The following FLI1 variants were observed in gnomAD, a reference collection of about 807,000 sequenced individuals.
The protein encoded by FLI1 is Fli-1 proto-oncogene, ETS transcription factor, also known as Friend leukemia integration 1 transcription factor.
Under a neutral mutation model 53.1 loss-of-function variants are expected in FLI1, and 13 were observed. That is an observed-to-expected ratio of 0.24 (90% confidence interval 0.16 to 0.39). The LOEUF (loss-of-function observed/expected upper bound fraction) is 0.39, where lower values mean the gene tolerates loss of function less well. Among genes scored for constraint, FLI1 ranks in the 10% least tolerant of loss-of-function variants. The probability of loss-of-function intolerance (pLI) is 1.00; values close to 1 mark genes in which losing one functional copy is unlikely to be tolerated. For synonymous variants in FLI1, 244 were observed against 236.7 expected (o/e 1.03, Z -0.28); for missense variants, 424 against 600.5 (o/e 0.71, Z 3.07).
At chr11:128,743,154 A>C (rs897131459) in intron 1 of FLI1, among the ~76,000 whole-genome samples, 11 of 152,112 alleles carry the variant, frequency 7.2e-5, no homozygotes, top group Admixed American at 3.9e-4. Flanking sequence ...TTGGGAGGCC[A>C]AGGCAAGAGG....
At chr11:128,710,159 T>A (rs1187646386) in intron 1 of FLI1, among the ~76,000 whole-genome samples, 1 of 152,136 alleles carries the variant, frequency 6.6e-6, no homozygotes, top group Non-Finnish European at 1.5e-5. Context: ...CACGGTACAC[T>A]GCACAACCAA....
intron 1 of FLI1, among the ~76,000 whole-genome samples, chr11:128,708,157 G>T (rs958698103): frequency 5.9e-5 from 9 of 152,168 alleles, no homozygotes; most frequent in Admixed American, 6.5e-5. Flanking sequence ...TGCCGTGCAT[G>T]GGGGAGGAAG....
intron 3 of FLI1, among the ~76,000 whole-genome samples, chr11:128,770,994 G>A (rs1452727705): frequency 3.3e-5 from 5 of 152,188 alleles, no homozygotes; most frequent in African/African-American, 1.2e-4. Flanking sequence ...GGGCTTTGGG[G>A]GAACCCACCT....
At chr11:128,760,907 G>A (rs977199858) in intron 2 of FLI1, among the ~76,000 whole-genome samples, 1 of 152,146 alleles carries the variant, frequency 6.6e-6, no homozygotes, top group African/African-American at 2.4e-5. Context: ...CAAGCCAGCA[G>A]CACCTCTCCT....
At position 128,801,367 on chromosome 11, in the gene FLI1, G is replaced by A. The variant is rs994388541; in HGVS notation, c.656-3999G>A. 2.0e-5 allele frequency among the ~76,000 whole-genome samples: 3 copies of A among 152,216 alleles called. No homozygotes were observed. In the East Asian group the frequency reaches 5.8e-4, roughly 29 times the overall value. On this transcript the variant is annotated intron_variant, in intron 5 of 8. Coordinates refer to ENST00000527786, the MANE Select transcript of FLI1 (RefSeq NM_002017.5). ...GTTATAGACATATCTCTGTGTGTAT[G>A]TTGGGGACTAGAGATGACCACACTG...
chr11:128,756,247 A>G (rs1208447894), intron 1 of FLI1, among the ~76,000 whole-genome samples: 3 of 152,212 alleles, frequency 2.0e-5, no homozygotes, highest in African/African-American at 7.2e-5. Flanking sequence ...GAAGTCCAAG[A>G]TCAGGGTGCC....
upstream of FLI1, among the ~76,000 whole-genome samples, chr11:128,685,325 C>T (rs987337237): frequency 1.3e-5 from 2 of 152,214 alleles, no homozygotes; most frequent in Admixed American, 1.3e-4. Flanking sequence ...CATCCTGGAG[C>T]TGCCCGGAGT....
intron 4 of FLI1, among the ~76,000 whole-genome samples, chr11:128,776,141 G>A (rs1941720213): frequency 6.6e-6 from 1 of 152,218 alleles, no homozygotes; most frequent in African/African-American, 2.4e-5. Context: ...GTATTTTCCA[G>A]GGTAGAGAAG....
At chr11:128,771,354 G>A (rs1051343522) in intron 3 of FLI1, among the ~76,000 whole-genome samples, 2 of 152,198 alleles carry the variant, frequency 1.3e-5, no homozygotes, top group African/African-American at 2.4e-5. Flanking sequence ...CAGGGCCTGG[G>A]CACTTTACAA....
At chr11:128,771,981 G>A (rs1457805800) in intron 3 of FLI1, among the ~76,000 whole-genome samples, 3 of 151,512 alleles carry the variant, frequency 2.0e-5, no homozygotes, top group African/African-American at 4.9e-5. Context: ...TGCCTACTGT[G>A]GAACCTGCTG....
intron 1 of FLI1, among the ~76,000 whole-genome samples, chr11:128,708,517 A>G (rs975271180): frequency 2.0e-5 from 3 of 151,958 alleles, no homozygotes; most frequent in Admixed American, 6.6e-5. Context: ...TGAGTTCTGT[A>G]CCTGGTTTTG....
intron 4 of FLI1, among the ~76,000 whole-genome samples, chr11:128,774,357 G>C (rs999942976): frequency 6.6e-6 from 1 of 152,198 alleles, no homozygotes; most frequent in Non-Finnish European, 1.5e-5. Flanking sequence ...CATGAGGTCA[G>C]CCCAAGAAAC....
upstream of FLI1, chr11:128,693,958 G>C (rs1426430671): frequency 1.0e-5 from 2 of 199,640 alleles, no homozygotes; most frequent in East Asian, 1.3e-4. Context: ...GAGAGAGAGA[G>C]AGAGAGAGAG....
intron 1 of FLI1, among the ~76,000 whole-genome samples, chr11:128,722,790 G>A (rs1279494102): frequency 3.9e-5 from 6 of 152,170 alleles, no homozygotes; most frequent in Non-Finnish European, 1.5e-5. Flanking sequence ...GAAAAGCCGT[G>A]CGGAAACACC....
intron 4 of FLI1, among the ~76,000 whole-genome samples, chr11:128,777,537 G>T (rs1480011248): frequency 6.6e-6 from 1 of 152,216 alleles, no homozygotes; most frequent in Non-Finnish European, 1.5e-5. Context: ...TTGAGTCTGG[G>T]CAATTAAGCT....
chr11:128,713,752 G>A (rs1938890952), intron 1 of FLI1, among the ~76,000 whole-genome samples: 1 of 152,298 alleles, frequency 6.6e-6, no homozygotes, highest in Non-Finnish European at 1.5e-5. Context: ...CCTTAAGGAA[G>A]TGACATTTAG....
At chr11:128,796,688 C>T (rs1389851278) in intron 5 of FLI1, among the ~76,000 whole-genome samples, 1 of 152,166 alleles carries the variant, frequency 6.6e-6, no homozygotes, top group Non-Finnish European at 1.5e-5. Flanking sequence ...AGAAGGAGTG[C>T]TCTTGGCCGG....
intron 1 of FLI1, among the ~76,000 whole-genome samples, chr11:128,716,657 G>T (rs1939029113): frequency 6.6e-6 from 1 of 152,142 alleles, no homozygotes; most frequent in Non-Finnish European, 1.5e-5. Context: ...GCTCCTGATG[G>T]AATGGAGTGC....
chr11:128,703,473 G>A (rs777277837), intron 1 of FLI1, among the ~76,000 whole-genome samples: 12 of 152,134 alleles, frequency 7.9e-5, no homozygotes, highest in Non-Finnish European at 1.6e-4. Flanking sequence ...ACTACAAAAT[G>A]GGATAAAATC....
Sources: gnomAD v4.1 joint callset for allele counts (sites outside exome capture counted in the v4.1 genomes callset) on GRCh38, gnomAD v4.1.1 for gene constraint, MANE v1.5 for transcripts, NCBI Gene and HGNC (gene_info 2026-07-23, HGNC 2026-07-21) for gene names.